Variants in SEC14L5 observed in about 807,000 individuals in gnomAD.
SEC14L5 encodes SEC14 like lipid binding 5.
SEC14L5 carries 96 observed loss-of-function variants against 84.6 expected under a neutral mutation model. The observed-to-expected ratio is 1.13, with a 90% confidence interval of 0.96 to 1.34. SEC14L5 has a LOEUF of 1.34. Ranked by LOEUF, SEC14L5 falls within the 40% of genes most tolerant of loss-of-function variation. The pLI, the probability that SEC14L5 is intolerant of heterozygous loss-of-function variation, is 0.00. For missense variants in SEC14L5, 1,224 were observed against 942.5 expected (o/e 1.30, Z -3.91); for synonymous variants, 546 against 383.4 (o/e 1.42, Z -4.95).
At chr16:4,971,845 GGC>G in intron 2 of SEC14L5, among the ~76,000 whole-genome samples, 1 of 152,218 alleles carries the variant, frequency 6.6e-6, no homozygotes, top group Non-Finnish European at 1.5e-5. Flanking sequence ...GAGAAATATT[GGC>G]TGAACGTCTA....
chr16:4,982,209 C>A (rs1025489487), intron 2 of SEC14L5, among the ~76,000 whole-genome samples: 1 of 151,196 alleles, frequency 6.6e-6, no homozygotes, highest in East Asian at 2.0e-4. Flanking sequence ...TCTTCCTCGG[C>A]CCCCCCCTCC....
chr16:4,960,691 C>A (rs891230342), intron 2 of SEC14L5: 3 of 152,178 alleles, frequency 2.0e-5, no homozygotes, highest in Non-Finnish European at 4.4e-5. Context: ...CCATGAGCCT[C>A]CACTCCCCAT....
At chr16:4,975,851 C>G (rs138386820) in intron 2 of SEC14L5, among the ~76,000 whole-genome samples, 201 of 152,202 alleles carry the variant, frequency 1.3e-3, no homozygotes, top group African/African-American at 4.6e-3. Context: ...TGCGTAGTGG[C>G]CAGGCCCCCA....
At chr16:5,002,385 C>G (rs554724443) in intron 10 of SEC14L5, among the ~76,000 whole-genome samples, 1 of 151,674 alleles carries the variant, frequency 6.6e-6, no homozygotes, top group African/African-American at 2.4e-5. Flanking sequence ...CAACCTCCAC[C>G]TCCTGGGTTC....
intron 2 of SEC14L5, among the ~76,000 whole-genome samples, chr16:4,975,448 G>C (rs532799200): frequency 6.9e-6 from 1 of 145,324 alleles, no homozygotes; most frequent in African/African-American, 2.6e-5. Context: ...ACTCCAGCCC[G>C]GGTGACAGAG....
At position 5,008,571 on chromosome 16, in the gene SEC14L5, G is replaced by T; in HGVS notation, c.1723G>T (p.Asp575Tyr). ...GACCAGGGCCAGCGGGCAGCTGATC[G>T]ACAAAGGCTGGGTCCTGGGCAGGGA... ...PGTRASGQLI[D>Y]KGWVLGRDYS... Residue 575 changes from aspartate (D) to tyrosine (Y), a missense_variant, in exon 14 of 16, where the codon GAC becomes TAC. Transcript: ENST00000251170. 1.2e-6 allele frequency: 2 copies of T among 1,607,758 alleles called. No individual in the cohort carries two copies. Among genetic ancestry groups the T allele is most frequent in the Non-Finnish European group, 1.7e-6 (2 of 1,177,936 alleles).
intron 15 of SEC14L5, among the ~76,000 whole-genome samples, chr16:5,014,006 C>T (rs1955839534): frequency 6.6e-6 from 1 of 152,226 alleles, no homozygotes; most frequent in African/African-American, 2.4e-5. Flanking sequence ...TTCTGCATCT[C>T]TAACAAGCTC....
At chr16:4,982,396 C>T (rs1267513514) in intron 2 of SEC14L5, among the ~76,000 whole-genome samples, 2 of 152,188 alleles carry the variant, frequency 1.3e-5, no homozygotes, top group Admixed American at 6.5e-5. Flanking sequence ...TGCTGGGATA[C>T]GCCCCCACCA....
intron 5 of SEC14L5, 51 bp from the exon 6 acceptor site, chr16:4,991,787 C>G: frequency 7.5e-7 from 1 of 1,326,690 alleles, no homozygotes; most frequent in Non-Finnish European, 1.0e-6. Flanking sequence ...TCCTGTGACC[C>G]CCCTCCATCC....
chr16:4,984,582 C>CTT (rs1473122790), intron 2 of SEC14L5, among the ~76,000 whole-genome samples: 1 of 152,122 alleles, frequency 6.6e-6, no homozygotes, highest in Non-Finnish European at 1.5e-5. Context: ...TATGGTAACT[C>CTT]TTTGTTTAAT....
chr16:5,017,897 C>G lies in SEC14L5; in HGVS notation c.*2927C>G, dbSNP rs1264754340. 2 of 152,212 alleles carry G rather than the reference C, an allele frequency of 1.3e-5. No individual in the cohort carries two copies. The highest frequency in any genetic ancestry group is 2.4e-5 in the African/African-American group (1 of 41,450). The allele number at this position is 152,212 out of a possible 1,614,324, so 9.4% of individuals were successfully genotyped here. On this transcript the variant is annotated 3_prime_UTR_variant, in exon 16 of 16. Coordinates refer to ENST00000251170, the MANE Select transcript of SEC14L5 (RefSeq NM_014692.2). Reference sequence around the variant, plus strand: ...TTGAATTTCCCCTGAGCCACAAAGGCTGGAAGTGCCTTGGCTTGGGCTTCT... The same window carrying G: ...TTGAATTTCCCCTGAGCCACAAAGGGTGGAAGTGCCTTGGCTTGGGCTTCT...
At chr16:4,972,775 G>T (rs1293864930) in intron 2 of SEC14L5, among the ~76,000 whole-genome samples, 1 of 152,178 alleles carries the variant, frequency 6.6e-6, no homozygotes, top group Non-Finnish European at 1.5e-5. Flanking sequence ...TTTGATCATT[G>T]TGTAAATGAT....
chr16:5,001,433 G>T (rs1205188634), intron 10 of SEC14L5, among the ~76,000 whole-genome samples: 2 of 151,846 alleles, frequency 1.3e-5, no homozygotes, highest in African/African-American at 4.8e-5. Flanking sequence ...TAATTTTTTT[G>T]TATTTTTAGT....
intron 6 of SEC14L5, among the ~76,000 whole-genome samples, chr16:4,992,761 C>T (rs1342137112): frequency 1.3e-5 from 2 of 152,126 alleles, no homozygotes; most frequent in Admixed American, 6.6e-5. Flanking sequence ...GATTCTTTTC[C>T]TCTCCCTAAA....
chr16:4,969,195 C>T (rs759508436), intron 2 of SEC14L5, among the ~76,000 whole-genome samples: 24 of 152,216 alleles, frequency 1.6e-4, no homozygotes, highest in Non-Finnish European at 3.2e-4. Flanking sequence ...TTCTGATTTC[C>T]GAGGGCCCTG....
rs752441954 is a variant in SEC14L5 at position 4,996,936 on chromosome 16, T to A, written c.862T>A (p.Ser288Thr). The A allele has an allele frequency of 1.2e-6, 2 of 1,613,144 alleles. No individual in the cohort carries two copies. Among genetic ancestry groups the A allele is most frequent in the African/African-American group, 1.3e-5 (1 of 75,026 alleles). The change falls in exon 8 of 16, where the codon TCC becomes ACC. Residue 288 changes from serine to threonine, a missense_variant. Ser to Thr is a moderately conservative substitution (Grantham distance 58). Transcript: ENST00000251170. ...CAAGGCCCGGGAAATGCTGCGCCAG[T>A]CCTTGAGCTGGCGCAAGCAGCACCA... ...LDKAREMLRQSLSWRKQHQVD... is the reference protein window; with the variant it reads ...LDKAREMLRQTLSWRKQHQVD...
chr16:4,973,222 C>T (rs1374781506), intron 2 of SEC14L5, among the ~76,000 whole-genome samples: 10 of 152,198 alleles, frequency 6.6e-5, no homozygotes, highest in Admixed American at 3.9e-4. Flanking sequence ...CCCTCCCCCA[C>T]GCGCCGCCCT....
intron 11 of SEC14L5, among the ~76,000 whole-genome samples, chr16:5,004,025 A>G (rs1190764176): frequency 6.6e-6 from 1 of 152,234 alleles, no homozygotes; most frequent in Non-Finnish European, 1.5e-5. Flanking sequence ...CCTCTGAAAC[A>G]AGGGTGCAGC....
rs372747051 is a variant in SEC14L5 at position 5,011,111 on chromosome 16, G to A, written c.1817G>A (p.Arg606Gln). The change falls in exon 15 of 16, where the codon CGG (arginine) becomes CAG (glutamine). Residue 606 changes from arginine to glutamine, a missense_variant. Physicochemically the swap from Arg to Gln is conservative, Grantham distance 43 (BLOSUM62 1). Transcript: ENST00000251170. ...GTGTTTCAGGGCTCCCATGTGACCC[G>A]GTGGCCCGGCGTCTACCTGCTCCAG... is the stretch of plus-strand genomic sequence containing the variant. The part of the protein sequence containing the change: ...GESIQGSHVT[R>Q]WPGVYLLQWQ... The A allele has an allele frequency of 4.4e-5, 71 of 1,604,092 alleles. No individual in the cohort carries two copies. Among genetic ancestry groups the A allele is most frequent in the Non-Finnish European group, 5.4e-5 (63 of 1,175,650 alleles).
Sources: allele counts gnomAD v4.1 joint callset (sites outside exome capture counted in the v4.1 genomes callset), GRCh38; gene constraint gnomAD v4.1.1; transcripts MANE v1.5; gene names NCBI Gene and HGNC (gene_info 2026-07-23, HGNC 2026-07-21).